ST6GALNAC6: variants seen among roughly 807,000 people sequenced by gnomAD.
The protein encoded by ST6GALNAC6 is ST6 N-acetylgalactosaminide alpha-2,6-sialyltransferase 6, also known as alpha-N-acetylgalactosaminide alpha-2,6-sialyltransferase 6.
ST6GALNAC6 carries 19 observed loss-of-function variants against 34.3 expected under a neutral mutation model. The observed-to-expected ratio is 0.55, with a 90% CI of 0.39 to 0.81. The LOEUF (loss-of-function observed/expected upper bound fraction) is 0.81, where lower values mean the gene tolerates loss of function less well. ST6GALNAC6 is among the 40% of genes least tolerant of loss of function. The pLI is 0.00. For synonymous variants in ST6GALNAC6, 185 were observed against 182.1 expected (o/e 1.02, Z -0.13); for missense variants, 377 against 467.7 (o/e 0.81, Z 1.79).
intron 5 of ST6GALNAC6, among the ~76,000 whole-genome samples, chr9:127,889,733 G>A (rs1027652820): frequency 4.6e-5 from 7 of 151,944 alleles, no homozygotes; most frequent in Admixed American, 1.3e-4. Context: ...ATAAGCTACC[G>A]CTCCCAGCCA....
rs190330205 is a variant in ST6GALNAC6 at position 127,895,444 on chromosome 9, A to T, written c.118-753T>A. ...TCCTACAGTACACTCAACCACCTGC[A>T]GCACCTGGAGGCTGGCGGCTTCCCC... is the stretch of plus-strand genomic sequence containing the variant. On this transcript the variant is annotated intron_variant, in intron 3 of 6. Transcript: ENST00000373146. Among the ~76,000 whole-genome samples, 444 of 152,292 alleles carry T rather than the reference A, an allele frequency of 2.9e-3. 1 individual carries two copies. The highest frequency in any genetic ancestry group is 6.8e-3 in the Middle Eastern group (2 of 294).
chr9:127,889,537 C>T (rs920564086), intron 5 of ST6GALNAC6, among the ~76,000 whole-genome samples: 9 of 151,260 alleles, frequency 6.0e-5, no homozygotes, highest in East Asian at 5.9e-4. Context: ...TCCACCTCCC[C>T]GGTTCAAGCA....
upstream of ST6GALNAC6, chr9:127,902,924 T>C (rs1261557896): frequency 1.3e-5 from 2 of 149,984 alleles, no homozygotes; most frequent in South Asian, 2.1e-4. Flanking sequence ...TATTTTTATA[T>C]ATTTAAAAAT....
chr9:127,897,927 C>T (rs1311889775), intron 2 of ST6GALNAC6, 29 bp downstream of exon 2: 1 of 1,613,580 alleles, frequency 6.2e-7, no homozygotes, highest in Admixed American at 1.7e-5. Flanking sequence ...ATGTCAGCTG[C>T]CAGTGCGAAT....
At chr9:127,902,375 G>T (rs1343990676), upstream of ST6GALNAC6, among the ~76,000 whole-genome samples, 1 of 151,950 alleles carries the variant, frequency 6.6e-6, no homozygotes, top group African/African-American at 2.4e-5. Flanking sequence ...TGGCCAGGCT[G>T]GTCTCGAACT....
chr9:127,898,498 G>C (rs776580938), intron 1 of ST6GALNAC6, among the ~76,000 whole-genome samples: 2 of 152,232 alleles, frequency 1.3e-5, no homozygotes, highest in Non-Finnish European at 2.9e-5. Context: ...GTTAATCACT[G>C]TTCAAGGCCC....
upstream of ST6GALNAC6, chr9:127,899,647 C>G (rs896086753): frequency 9.2e-6 from 9 of 983,562 alleles, no homozygotes; most frequent in Non-Finnish European, 1.1e-5. Flanking sequence ...CCGTCACGGC[C>G]CGGCCCAGGC....
At chr9:127,887,254 T>G (rs980379020) in intron 6 of ST6GALNAC6, among the ~76,000 whole-genome samples, 15 of 152,142 alleles carry the variant, frequency 9.9e-5, no homozygotes, top group African/African-American at 3.6e-4. Flanking sequence ...AGTGGGCTTT[T>G]CATATGATGC....
chr9:127,896,365 C>T (rs764071411), intron 2 of ST6GALNAC6, 33 bp from the exon 3 acceptor site: 11 of 1,576,712 alleles, frequency 7.0e-6, no homozygotes, highest in Middle Eastern at 1.8e-4. Flanking sequence ...ATTATGGCTT[C>T]GGTCCTTTGG....
At chr9:127,891,302 T>C (rs1830119100) in intron 4 of ST6GALNAC6, among the ~76,000 whole-genome samples, 1 of 151,752 alleles carries the variant, frequency 6.6e-6, no homozygotes, top group Admixed American at 6.6e-5. Context: ...ACATAATACA[T>C]GCCAGGAAAA....
intron 1 of ST6GALNAC6, among the ~76,000 whole-genome samples, chr9:127,898,826 G>A (rs934289132): frequency 6.6e-6 from 1 of 152,234 alleles, no homozygotes; most frequent in Non-Finnish European, 1.5e-5. Context: ...TGTGTGCCCA[G>A]GACGTGGCTC....
chr9:127,899,763 G>T, upstream of ST6GALNAC6: 2 of 661,238 alleles, frequency 3.0e-6, no homozygotes, highest in Non-Finnish European at 3.7e-6. Context: ...CCTGGTGAGC[G>T]CCTCGGTCAC....
At chr9:127,896,936 T>C (rs1292175590) in intron 2 of ST6GALNAC6, 2 of 985,218 alleles carry the variant, frequency 2.0e-6, no homozygotes, top group South Asian at 4.7e-5. Context: ...GGAATATCGC[T>C]GAATGAATTA....
chr9:127,890,690 G>A lies in ST6GALNAC6; in HGVS notation c.651C>T (p.Pro217=), dbSNP rs748559801. 13 of 1,613,420 alleles carry A rather than the reference G, an allele frequency of 8.1e-6. No individual in the cohort carries two copies. The highest frequency in any genetic ancestry group is 5.0e-5 in the Admixed American group (3 of 60,006). The change falls in exon 5 of 7, where the codon CCC becomes CCT. Residue 217 remains proline, a synonymous_variant. Coordinates refer to ENST00000373146, the MANE Select transcript of ST6GALNAC6 (RefSeq NM_013443.5). The surrounding 1 kb of genome is among the most constrained non-coding windows in gnomAD (Gnocchi z 4.3). ...FPNMEAYAVS[P]GRMRQFDDLF... is the part of the protein sequence containing the mutation. The stretch of plus-strand genomic sequence containing the variant: ...GGTCGTCAAATTGCCGCATGCGGCC[G>A]GGAGAGACGGCATATGCTTCCATGT...
At chr9:127,897,801 C>A in intron 2 of ST6GALNAC6, 155 bp downstream of exon 2, 1 of 1,515,906 alleles carries the variant, frequency 6.6e-7, no homozygotes, top group Non-Finnish European at 8.8e-7. Context: ...TGCGGATGCC[C>A]CCTGCCCGCC....
intron 3 of ST6GALNAC6, among the ~76,000 whole-genome samples, chr9:127,895,359 A>C (rs1830388533): frequency 1.3e-5 from 2 of 152,186 alleles, no homozygotes; most frequent in Admixed American, 6.5e-5. Flanking sequence ...CAGCAGTGCC[A>C]GCAAGTCAGG....
intron 1 of ST6GALNAC6, among the ~76,000 whole-genome samples, chr9:127,898,520 G>A (rs538491241): frequency 6.6e-6 from 1 of 152,370 alleles, no homozygotes; most frequent in East Asian, 1.9e-4. Context: ...CCTCTCCAGT[G>A]TGTCAGTGAA....
chr9:127,901,222 C>A (rs2131595176), upstream of ST6GALNAC6, among the ~76,000 whole-genome samples: 1 of 152,190 alleles, frequency 6.6e-6, no homozygotes, highest in African/African-American at 2.4e-5. Flanking sequence ...AGGGTAAAAT[C>A]AATGATCTAC....
chr9:127,886,893 ATGCCTCCT>A, intron 6 of ST6GALNAC6, 105 bp from the exon 7 acceptor site: 2 of 1,206,778 alleles, frequency 1.7e-6, no homozygotes, highest in Non-Finnish European at 2.2e-6. Context: ...AGAAATCCCC[ATGCCTCCT>A]GGGGCCTCGG....
Sources: allele counts gnomAD v4.1 joint callset (sites outside exome capture counted in the v4.1 genomes callset), GRCh38; gene constraint gnomAD v4.1.1; non-coding constraint Gnocchi (gnomAD v3.1); transcripts MANE v1.5; gene names NCBI Gene and HGNC (gene_info 2026-07-23, HGNC 2026-07-21).